PTPRH: variants seen among roughly 807,000 people sequenced by gnomAD.
PTPRH encodes the protein protein tyrosine phosphatase receptor type H.
A neutral mutation model predicts 130.2 loss-of-function variants in PTPRH; 113 were observed. That is an observed-to-expected ratio of 0.87 (90% CI 0.75 to 1.01). PTPRH has a LOEUF of 1.01. Among genes scored for constraint, PTPRH ranks in the 50% least tolerant of loss-of-function variants. The probability of loss-of-function intolerance (pLI) is 0.00; values close to 1 mark genes in which losing one functional copy is unlikely to be tolerated. For synonymous variants in PTPRH, 556 were observed against 577.9 expected, an observed-to-expected ratio of 0.96 and a Z score of 0.54; for missense variants, 1,430 against 1,425.0, an observed-to-expected ratio of 1.00 and a Z score of -0.06.
chr19:55,209,460 GA>G lies in PTPRH; in HGVS notation c.-28del. On this transcript the variant is annotated 5_prime_UTR_variant, in exon 1 of 20. Transcript: ENST00000376350. This position sits in a 1 kb window ranked among gnomAD's most constrained non-coding sequence, Gnocchi z 4.1. ...CCTCCAGACACTGCCGGGGACCCAG[GA>G]GTCCCAGGCCTAGTCCTTCCACCTG... is the stretch of plus-strand genomic sequence containing the variant. 6.6e-7 allele frequency: 1 copy of G among 1,506,058 alleles called. No homozygotes were observed. Among genetic ancestry groups the G allele is most frequent in the Non-Finnish European group, 9.0e-7 (1 of 1,105,144 alleles). 93.3% of individuals were successfully genotyped at this position (1,506,058 alleles called of 1,614,324 possible).
chr19:55,207,364 T>A, intron 1 of PTPRH, 165 bp from the exon 2 acceptor site: 1 of 701,920 alleles, frequency 1.4e-6, no homozygotes. Context: ...CCGTCTTTCC[T>A]GGGTCGAGGA....
intron 16 of PTPRH, 65 bp from the exon 17 acceptor site, chr19:55,186,049 G>C: frequency 6.2e-7 from 1 of 1,609,692 alleles, no homozygotes; most frequent in Non-Finnish European, 8.5e-7. Context: ...GTCTGCTTTA[G>C]GCCCCAAATG....
intron 14 of PTPRH, among the ~76,000 whole-genome samples, chr19:55,186,848 C>T (rs1235200571): frequency 6.6e-6 from 1 of 151,754 alleles, no homozygotes; most frequent in Admixed American, 6.6e-5. Context: ...AATTTAAGAC[C>T]AGCCTGGCCA....
intron 9 of PTPRH, 66 bp downstream of exon 9, chr19:55,197,051 T>G (rs1308155413): frequency 3.2e-6 from 5 of 1,558,596 alleles, no homozygotes; most frequent in Non-Finnish European, 4.4e-6. Context: ...TCCATTCATC[T>G]CTCAGCTCGC....
At chr19:55,202,003 C>A in intron 6 of PTPRH, 53 bp downstream of exon 6, 1 of 1,598,150 alleles carries the variant, frequency 6.3e-7, no homozygotes, top group Non-Finnish European at 8.5e-7. Flanking sequence ...CATTCTACTG[C>A]TTACTGTCCC....
In PTPRH at chr19:55,197,292, C is replaced by G; in HGVS notation, c.1815G>C (p.Lys605Asn). Residue 605 changes from lysine to asparagine, a missense_variant, in exon 9 of 20, where the codon AAG becomes AAC. Physicochemically the swap from Lys to Asn is moderately conservative, Grantham distance 94. Coordinates refer to ENST00000376350, the MANE Select transcript of PTPRH (RefSeq NM_002842.5). The stretch of plus-strand genomic sequence containing the variant: ...GATCTTGCCCCCTCCGGGGATGTCC[C>G]TTGCTGGCCCACTGGACCCAGTATA... ...LYVYWVQWAS[K>N]GHPRRGQDPQ... 6.2e-7 allele frequency: 1 copy of G among 1,614,250 alleles called. No individual in the cohort carries two copies. The highest frequency in any genetic ancestry group is 8.5e-7 in the Non-Finnish European group (1 of 1,180,050).
intron 6 of PTPRH, among the ~76,000 whole-genome samples, chr19:55,201,092 A>G (rs1016879738): frequency 6.6e-6 from 1 of 152,234 alleles, no homozygotes; most frequent in East Asian, 1.9e-4. Flanking sequence ...GGCCCAGCAC[A>G]GTTTCACATT....
chr19:55,202,365 C>T (rs1312822250), intron 5 of PTPRH, 43 bp from the exon 6 acceptor site: 3 of 1,606,296 alleles, frequency 1.9e-6, no homozygotes, highest in Non-Finnish European at 2.6e-6. Context: ...TAGTTTCTGG[C>T]CCTCAAACTT....
Position 55,185,908 on chromosome 19 carries a change from T to A in PTPRH, c.2855A>T (p.Glu952Val), listed in dbSNP as rs1340137742. The A allele has an allele frequency of 1.9e-6, 3 of 1,614,022 alleles. No homozygotes were observed. Among genetic ancestry groups the A allele is most frequent in the Non-Finnish European group, 2.5e-6 (3 of 1,180,036 alleles). The change falls in exon 17 of 20, where the codon GAG becomes GTG. Residue 952 changes from glutamate to valine, a missense_variant. Transcript: ENST00000376350. ...CACCGTCCAGTTCTCCATCACTTCC[T>A]CACCTACCAGGGTTACCCGCAGGTG... ...HGHLRVTLVGEEVMENWTVRE... is the reference protein window; with the variant it reads ...HGHLRVTLVGVEVMENWTVRE...
intron 6 of PTPRH, 44 bp from the exon 7 acceptor site, chr19:55,200,546 A>G: frequency 6.3e-7 from 1 of 1,598,840 alleles, no homozygotes; most frequent in Non-Finnish European, 8.5e-7. Context: ...GAGATACAGA[A>G]CAGAACGGGG....
chr19:55,198,902 T>G lies in PTPRH; in HGVS notation c.1431A>C (p.Ala477=). ...QNVSISTVPN[A]VTSLSKQDWT... ...AGTCCTGCTTGCTGAGGCTTGTCAC[T>G]GCGTTGGGGACTGGGAGAGGGAGCA... Residue 477 remains alanine (A), a synonymous_variant, in exon 8 of 20, where the codon GCA becomes GCC. Coordinates refer to ENST00000376350, the MANE Select transcript of PTPRH (RefSeq NM_002842.5). The G allele has an allele frequency of 1.3e-6, 2 of 1,516,890 alleles. No homozygotes were observed. Among genetic ancestry groups the G allele is most frequent in the Non-Finnish European group, 1.8e-6 (2 of 1,129,810 alleles). 94.0% of individuals were successfully genotyped at this position (1,516,890 alleles called of 1,614,324 possible). A position where few individuals can be genotyped will look rare whatever the true frequency, so the allele number is the denominator to read the frequency against.
At chr19:55,207,481 T>C (rs1488274040) in intron 1 of PTPRH, among the ~76,000 whole-genome samples, 1 of 152,136 alleles carries the variant, frequency 6.6e-6, no homozygotes, top group Non-Finnish European at 1.5e-5. Context: ...ATATATGTCC[T>C]TGGAAAACCG....
At position 55,197,349 on chromosome 19, in the gene PTPRH, C is replaced by A; in HGVS notation, c.1758G>T (p.Lys586Asn). The change falls in exon 9 of 20, where the codon AAG (lysine) becomes AAT (asparagine). Residue 586 changes from lysine to asparagine, a missense_variant. Lys to Asn is a moderately conservative substitution (Grantham distance 94). Coordinates refer to ENST00000376350, the MANE Select transcript of PTPRH (RefSeq NM_002842.5). ...QTKNSVMLWW[K>N]APGDPHSQLY... Reference sequence around the variant, plus strand: ...ACTGAGAGTGGGGGTCTCCAGGGGCCTTCCACCACAGCATGACTGAGTTCT... The same window carrying A: ...ACTGAGAGTGGGGGTCTCCAGGGGCATTCCACCACAGCATGACTGAGTTCT... The A allele has an allele frequency of 3.7e-6, 6 of 1,614,240 alleles. No individual in the cohort carries two copies. Among genetic ancestry groups the A allele is most frequent in the Non-Finnish European group, 5.1e-6 (6 of 1,180,026 alleles).
intron 18 of PTPRH, among the ~76,000 whole-genome samples, chr19:55,183,223 G>A (rs1465769115): frequency 4.1e-5 from 6 of 145,378 alleles, no homozygotes; most frequent in African/African-American, 1.0e-4. Context: ...GTGAAACCCC[G>A]TCTCTACTAA....
At chr19:55,204,799 G>T (rs2086991667) in intron 4 of PTPRH, among the ~76,000 whole-genome samples, 1 of 152,158 alleles carries the variant, frequency 6.6e-6, no homozygotes, top group South Asian at 2.1e-4. Context: ...CTTCAACAGG[G>T]CTTTCAAACA....
chr19:55,197,788 G>A (rs928763727), intron 8 of PTPRH, among the ~76,000 whole-genome samples: 5 of 152,076 alleles, frequency 3.3e-5, no homozygotes, highest in Non-Finnish European at 5.9e-5. Context: ...CATGGCCCTC[G>A]AGATCTGATC....
chr19:55,201,972 T>C, intron 6 of PTPRH, 84 bp downstream of exon 6: 1 of 1,567,388 alleles, frequency 6.4e-7, no homozygotes, highest in Non-Finnish European at 8.7e-7. Flanking sequence ...CCAGAGGGAC[T>C]ATGGAATAGA....
chr19:55,184,047 G>A (rs563015976), intron 18 of PTPRH, among the ~76,000 whole-genome samples: 4 of 152,228 alleles, frequency 2.6e-5, no homozygotes, highest in African/African-American at 9.6e-5. Flanking sequence ...CACTTTGGGA[G>A]GCCGAGGTGG....
At chr19:55,183,106 C>T (rs79690261) in intron 18 of PTPRH, among the ~76,000 whole-genome samples, 2,532 of 144,698 alleles carry the variant, frequency 0.017, 76 homozygotes, top group African/African-American at 0.059. Context: ...AAAAAATTAG[C>T]TATTTTAGGC....
Sources: allele counts gnomAD v4.1 joint callset (sites outside exome capture counted in the v4.1 genomes callset), GRCh38; gene constraint gnomAD v4.1.1; non-coding constraint Gnocchi (gnomAD v3.1); transcripts MANE v1.5; gene names NCBI Gene and HGNC (gene_info 2026-07-23, HGNC 2026-07-21).